NRK: variants seen among roughly 807,000 people sequenced by gnomAD.
NRK encodes the protein Nik related kinase.
NRK carries 67 observed loss-of-function variants against 125.2 expected under a neutral mutation model. The observed-to-expected ratio is 0.54, with a 90% CI of 0.44 to 0.66. NRK has a LOEUF of 0.66. Among genes scored for constraint, NRK ranks in the 30% least tolerant of loss-of-function variants. The probability of loss-of-function intolerance (pLI) is 0.00; values close to 1 mark genes in which losing one functional copy is unlikely to be tolerated. For synonymous variants in NRK, 458 were observed against 429.0 expected (o/e 1.07, Z -0.84); for missense variants, 1,224 against 1,192.9 (o/e 1.03, Z -0.38).
intron 2 of NRK, among the ~76,000 whole-genome samples, chrX:105,853,738 C>A (rs953838713): frequency 8.9e-6 from 1 of 111,755 alleles, no homozygotes; most frequent in Non-Finnish European, 1.9e-5. Context: ...TTAAGACTTT[C>A]CTTCACAATG....
chrX:105,904,405 C>T (rs756963898), intron 9 of NRK, among the ~76,000 whole-genome samples: 1 of 111,428 alleles, frequency 9.0e-6, no homozygotes, highest in African/African-American at 3.3e-5. Flanking sequence ...AATGAATGTC[C>T]AGTAATTTGG....
At chrX:105,845,550 A>G (rs1389466476) in intron 2 of NRK, among the ~76,000 whole-genome samples, 2 of 112,385 alleles carry the variant, frequency 1.8e-5, no homozygotes, top group Non-Finnish European at 3.8e-5. Context: ...TAGTTATACT[A>G]AAAAAAGTTT....
At chrX:105,843,695 T>C (rs936560975) in intron 2 of NRK, among the ~76,000 whole-genome samples, 9 of 111,591 alleles carry the variant, frequency 8.1e-5, no homozygotes, top group Non-Finnish European at 1.3e-4. Context: ...TGGCCAAGTA[T>C]AAGGATGGCT....
At chrX:105,826,401 A>ATTATATGATAAT (rs773137605) in intron 1 of NRK, among the ~76,000 whole-genome samples, 2 of 77,849 alleles carry the variant, frequency 2.6e-5, no homozygotes, top group Admixed American at 3.2e-4. Flanking sequence ...ATATATATAT[A>ATTATATGATAAT]ATATATATAT....
At chrX:105,916,232 C>G (rs1027667947) in intron 15 of NRK, among the ~76,000 whole-genome samples, 8 of 110,619 alleles carry the variant, frequency 7.2e-5, no homozygotes, top group Non-Finnish European at 1.3e-4. Flanking sequence ...TAGTCAAAAT[C>G]AAATCTAAAA....
chrX:105,938,217 G>C (rs1272029832), intron 22 of NRK, among the ~76,000 whole-genome samples: 1 of 111,577 alleles, frequency 9.0e-6, no homozygotes, highest in Non-Finnish European at 1.9e-5. Context: ...ATAGGCAAAA[G>C]ATGACTGACA....
chrX:105,871,227 G>C (rs987579988), intron 2 of NRK, among the ~76,000 whole-genome samples: 7 of 111,552 alleles, frequency 6.3e-5, no homozygotes, highest in East Asian at 5.7e-4. Flanking sequence ...ACCGTGACTA[G>C]CTTCTTCATT....
intron 4 of NRK, among the ~76,000 whole-genome samples, chrX:105,884,396 A>T (rs1472750070): frequency 9.0e-6 from 1 of 110,663 alleles, no homozygotes; most frequent in Non-Finnish European, 1.9e-5. Context: ...AAGATAATTT[A>T]TAACTAAAAG....
rs1363259221 is a variant in NRK at position 105,919,182 on chromosome X, A to G, written c.2512+1510A>G. ...ACCAAGACTGAAAATAAGAGGGACAATAGTATTTATCTTGAAAATCTAAGC... is the reference window on the plus strand; with the variant it reads ...ACCAAGACTGAAAATAAGAGGGACAGTAGTATTTATCTTGAAAATCTAAGC... On this transcript the variant is annotated intron_variant, in intron 16 of 28. Transcript: ENST00000243300. 3.6e-5 allele frequency among the ~76,000 whole-genome samples: 4 copies of G among 110,452 alleles called. No individual in the cohort carries two copies. The South Asian group carries it at 1.5e-3, about 42-fold the overall frequency.
At chrX:105,945,582 C>G (rs937862333) in intron 24 of NRK, among the ~76,000 whole-genome samples, 18 of 111,491 alleles carry the variant, frequency 1.6e-4, no homozygotes, top group Admixed American at 8.6e-4. Flanking sequence ...TCTTGGGTGT[C>G]TGCTGATTGG....
intron 18 of NRK, 90 bp downstream of exon 18, chrX:105,923,572 G>A: frequency 1.8e-6 from 1 of 564,066 alleles, no homozygotes; most frequent in Non-Finnish European, 2.7e-6. Context: ...TTATTACCAA[G>A]AGAGTGACCT....
At chrX:105,870,174 A>G (rs2039725513) in intron 2 of NRK, among the ~76,000 whole-genome samples, 1 of 111,650 alleles carries the variant, frequency 9.0e-6, no homozygotes, top group Admixed American at 9.5e-5. Context: ...ATTCGGAGGG[A>G]AAAAAAGAGA....
At position 105,908,253 on chromosome X, in the gene NRK, C is replaced by T; in HGVS notation, c.1035C>T (p.Ile345=). Residue 345 remains isoleucine, a synonymous_variant, in exon 12 of 29, where the codon ATC becomes ATT. Coordinates refer to ENST00000243300, the MANE Select transcript of NRK (RefSeq NM_198465.4). ...KKRQKKGIPL[I]FEREEAIKEQ... ...TTGTAAAAAAAGGAATACCTTTGAT[C>T]TTTGAAAGAGAAGAAGCTATTAAGG... 9.1e-7 allele frequency: 1 copy of T among 1,101,340 alleles called. No homozygotes were observed. Among genetic ancestry groups the T allele is most frequent in the Non-Finnish European group, 1.2e-6 (1 of 821,163 alleles). 90.8% of individuals were successfully genotyped at this position (1,101,340 alleles called of 1,213,427 possible).
chrX:105,948,825 C>A (rs1406309455), intron 26 of NRK: 2 of 385,903 alleles, frequency 5.2e-6, no homozygotes, highest in Non-Finnish European at 8.9e-6. Context: ...TAGAGGAACA[C>A]AATTTTTCAT....
intron 2 of NRK, among the ~76,000 whole-genome samples, chrX:105,860,346 A>G (rs978150357): frequency 9.0e-6 from 1 of 111,440 alleles, no homozygotes; most frequent in Non-Finnish European, 1.9e-5. Flanking sequence ...AGACTAGAGG[A>G]AATTCATATT....
intron 2 of NRK, among the ~76,000 whole-genome samples, chrX:105,857,993 G>A (rs1207832933): frequency 9.0e-6 from 1 of 110,868 alleles, no homozygotes; most frequent in African/African-American, 3.3e-5. Flanking sequence ...CTACCTGATT[G>A]ACCAAGCTGG....
At position 105,953,163 on chromosome X, in the gene NRK, GGGGTGACAAGGTATA is replaced by G; in HGVS notation, c.4645_4653+6del. On this transcript the variant is annotated splice_donor_variant and splice_donor_5th_base_variant and coding_sequence_variant and intron_variant, in exon 28 of 29. Coordinates refer to ENST00000243300, the MANE Select transcript of NRK (RefSeq NM_198465.4). LOFTEE classifies it high-confidence loss of function. ...AAGAAGCTGAGATTCCTGTGCACCCGGGGTGACAAGGTATAGCTTACACCCTCCAGTTACAGCAAA... is the reference window on the plus strand; with the variant it reads ...AAGAAGCTGAGATTCCTGTGCACCCGGCTTACACCCTCCAGTTACAGCAAA... 8.4e-7 allele frequency: 1 copy of G among 1,184,035 alleles called. No homozygotes were observed. Among genetic ancestry groups the G allele is most frequent in the African/African-American group, 1.7e-5 (1 of 57,275 alleles).
At position 105,909,493 on chromosome X, in the gene NRK, G is replaced by A; in HGVS notation, c.1852G>A (p.Gly618Arg). Reference sequence around the variant, plus strand: ...CATTCCAGTAGAGGGGCAAACTGAAGGATCACCTCAGGCACAGGCTTGGAC... The same window carrying A: ...CATTCCAGTAGAGGGGCAAACTGAAAGATCACCTCAGGCACAGGCTTGGAC... ...VLIPVEGQTEGSPQAQAWTLE... is the reference protein window; with the variant it reads ...VLIPVEGQTERSPQAQAWTLE... The change falls in exon 13 of 29, where the codon GGA becomes AGA. Residue 618 changes from glycine to arginine, a missense_variant. Transcript: ENST00000243300. 2 of 1,210,499 alleles carry A rather than the reference G, an allele frequency of 1.7e-6. No homozygotes were observed. The highest frequency in any genetic ancestry group is 2.2e-6 in the Non-Finnish European group (2 of 894,729).
chrX:105,888,042 C>T (rs934299818), intron 4 of NRK, among the ~76,000 whole-genome samples: 8 of 112,266 alleles, frequency 7.1e-5, no homozygotes, highest in Admixed American at 2.8e-4. Flanking sequence ...TGGCCAGTGC[C>T]GCTGGTCCAG....
Sources: allele counts gnomAD v4.1 joint callset (sites outside exome capture counted in the v4.1 genomes callset), GRCh38; gene constraint gnomAD v4.1.1; transcripts MANE v1.5; gene names NCBI Gene and HGNC (gene_info 2026-07-23, HGNC 2026-07-21).